Variants in CCDC38 observed in about 807,000 individuals in gnomAD.
The protein encoded by CCDC38 is coiled-coil domain-containing protein 38.
Under a neutral mutation model 72.8 loss-of-function variants are expected in CCDC38, and 69 were observed. That is an observed-to-expected ratio of 0.95 (90% CI 0.78 to 1.16). The LOEUF (loss-of-function observed/expected upper bound fraction) is 1.16. Among genes scored for constraint, CCDC38 ranks in the 50% most tolerant of loss-of-function variants. The pLI is 0.00. For synonymous variants in CCDC38, 201 were observed against 213.2 expected (o/e 0.94, Z 0.50); for missense variants, 626 against 638.9 (o/e 0.98, Z 0.22).
chr12:95,879,807 A>G lies in CCDC38; in HGVS notation c.991-12T>C. The G allele has an allele frequency of 1.3e-6, 2 of 1,571,462 alleles. No individual in the cohort carries two copies. Among genetic ancestry groups the G allele is most frequent in the Non-Finnish European group, 1.7e-6 (2 of 1,158,784 alleles). On this transcript the variant is annotated splice_polypyrimidine_tract_variant and intron_variant, in intron 11 of 15. Coordinates refer to ENST00000344280, the MANE Select transcript of CCDC38 (RefSeq NM_182496.3). This position sits in a 1 kb window ranked among gnomAD's most constrained non-coding sequence, Gnocchi z 5.5. ...TAAAGTGCTGGCTCCTAATTAATCA[A>G]TAATGAAGAATATAATTTACTTAAA...
At chr12:95,888,698 C>A (rs546356560) in intron 9 of CCDC38, among the ~76,000 whole-genome samples, 192 bp from the exon 10 acceptor site, 21 of 152,212 alleles carry the variant, frequency 1.4e-4, no homozygotes, top group Middle Eastern at 3.4e-3. Flanking sequence ...AAATGGAGGT[C>A]TTTTATTCTA....
intron 2 of CCDC38, among the ~76,000 whole-genome samples, chr12:95,929,984 A>G (rs2080320257): frequency 1.3e-5 from 2 of 152,060 alleles, no homozygotes; most frequent in African/African-American, 4.8e-5. Context: ...TTCTTTTATA[A>G]GGACACTTAT....
intron 10 of CCDC38, among the ~76,000 whole-genome samples, chr12:95,882,450 A>G (rs2079711458): frequency 6.6e-6 from 1 of 152,172 alleles, no homozygotes; most frequent in African/African-American, 2.4e-5. Context: ...TGGGATAAGG[A>G]AAAGATTAAT....
At chr12:95,903,951 G>A (rs755539876) in intron 5 of CCDC38, 1 of 152,210 alleles carries the variant, frequency 6.6e-6, no homozygotes, top group Admixed American at 6.6e-5. Context: ...GGAACAGTGT[G>A]TATAAAATTA....
rs774500212 is a variant in CCDC38 at position 95,892,278 on chromosome 12, CTTTTTTTTT to C, written c.773-1357_773-1349del. ...TGACCCCGCTTTCACTTATTACAAT[CTTTTTTTTT>C]TTTTTTTTTTTTTTGGAGACAGGGT... is the stretch of plus-strand genomic sequence containing the variant. On this transcript the variant is annotated intron_variant, in intron 8 of 15. Transcript: ENST00000344280. 3.9e-5 allele frequency among the ~76,000 whole-genome samples: 3 copies of C among 76,010 alleles called. No individual in the cohort carries two copies. In the South Asian group the frequency reaches 1.7e-3, roughly 42 times the overall value. The allele number at this position is 76,010 out of a possible 152,430, so 49.9% of individuals were successfully genotyped here.
intron 5 of CCDC38, among the ~76,000 whole-genome samples, chr12:95,901,495 C>A (rs936897369): frequency 6.6e-6 from 1 of 151,906 alleles, no homozygotes; most frequent in Non-Finnish European, 1.5e-5. Flanking sequence ...AGGTGGAATT[C>A]GAAGACATGA....
chr12:95,900,107 GT>G (rs1277727835), intron 5 of CCDC38, among the ~76,000 whole-genome samples: 1 of 152,096 alleles, frequency 6.6e-6, no homozygotes, highest in Non-Finnish European at 1.5e-5. Context: ...AACCACAGTT[GT>G]TTTTGCACCA....
rs1190350128 is a variant in CCDC38, at chr12:95,898,612, C to T, written c.489G>A (p.Glu163=). The part of the protein sequence containing the change: ...KLQDDALAFE[E]FLRENDQRSV... ...ATCTCTGGTCATTTTCTCGAAGGAA[C>T]TCTTCAAAGGCCAGTGCATCATCTT... The change falls in exon 6 of 16, where the codon GAG becomes GAA. Residue 163 remains glutamate (E), a synonymous_variant. Coordinates refer to ENST00000344280, the MANE Select transcript of CCDC38 (RefSeq NM_182496.3). 1.2e-6 allele frequency: 2 copies of T among 1,614,194 alleles called. No individual in the cohort carries two copies. Among genetic ancestry groups the T allele is most frequent in the Non-Finnish European group, 1.7e-6 (2 of 1,180,024 alleles).
chr12:95,894,550 T>C (rs1355231493), intron 8 of CCDC38, among the ~76,000 whole-genome samples: 1 of 152,156 alleles, frequency 6.6e-6, no homozygotes, highest in Non-Finnish European at 1.5e-5. Flanking sequence ...GTTCTTACTC[T>C]CTTAGTTTCC....
chr12:95,939,029 ACTCT>A (rs2080422281), intron 1 of CCDC38, among the ~76,000 whole-genome samples: 2 of 152,048 alleles, frequency 1.3e-5, no homozygotes, highest in Non-Finnish European at 2.9e-5. Flanking sequence ...AAGAACATAG[ACTCT>A]CTCTATGTCC....
intron 2 of CCDC38, among the ~76,000 whole-genome samples, chr12:95,923,396 C>G (rs544751036): frequency 6.6e-6 from 1 of 152,188 alleles, no homozygotes; most frequent in East Asian, 1.9e-4. Flanking sequence ...GGGCTGGACC[C>G]CAGACATCCC....
At chr12:95,936,308 T>C (rs2080393176) in intron 2 of CCDC38, among the ~76,000 whole-genome samples, 165 bp downstream of exon 2, 1 of 152,132 alleles carries the variant, frequency 6.6e-6, no homozygotes, top group Non-Finnish European at 1.5e-5. Flanking sequence ...GAAGATTTTT[T>C]TTTTGAATTA....
chr12:95,927,114 A>G (rs1036156045), intron 2 of CCDC38, among the ~76,000 whole-genome samples: 5 of 152,130 alleles, frequency 3.3e-5, no homozygotes, highest in Middle Eastern at 3.4e-3. Flanking sequence ...TTTCTGTCTC[A>G]TTGATCTGTC....
chr12:95,926,966 G>C (rs1024588802), intron 2 of CCDC38, among the ~76,000 whole-genome samples: 2 of 152,144 alleles, frequency 1.3e-5, no homozygotes, highest in African/African-American at 4.8e-5. Context: ...TTCCAAGTAT[G>C]TGGTCAATTT....
At chr12:95,925,472 C>A (rs1265993507) in intron 2 of CCDC38, among the ~76,000 whole-genome samples, 2 of 152,194 alleles carry the variant, frequency 1.3e-5, no homozygotes, top group African/African-American at 4.8e-5. Flanking sequence ...GATATACAAT[C>A]AAGTCATCTG....
intron 5 of CCDC38, chr12:95,903,483 A>G (rs2121486644): frequency 1.4e-6 from 1 of 700,342 alleles, no homozygotes; most frequent in Non-Finnish European, 2.6e-6. Context: ...GGGGGAAAGC[A>G]TTCAGTCTTT....
chr12:95,892,083 T>A (rs1376496250), intron 8 of CCDC38, among the ~76,000 whole-genome samples: 1 of 94,178 alleles, frequency 1.1e-5, no homozygotes, highest in African/African-American at 7.9e-5. Flanking sequence ...TCACTCTGCT[T>A]TTTTTTTTTT....
At chr12:95,906,132 C>T (rs527586560) in intron 5 of CCDC38, among the ~76,000 whole-genome samples, 1 of 152,288 alleles carries the variant, frequency 6.6e-6, no homozygotes, top group Admixed American at 6.5e-5. Context: ...TGATAGGTTC[C>T]AGGAAGTATA....
intron 8 of CCDC38, among the ~76,000 whole-genome samples, chr12:95,892,678 T>C (rs2079841575): frequency 6.6e-6 from 1 of 151,258 alleles, no homozygotes. Context: ...CAAGCGATTC[T>C]CCTGCCTCAG....
Sources: allele counts gnomAD v4.1 joint callset (sites outside exome capture counted in the v4.1 genomes callset), GRCh38; gene constraint gnomAD v4.1.1; non-coding constraint Gnocchi (gnomAD v3.1); transcripts MANE v1.5; gene names NCBI Gene and HGNC (gene_info 2026-07-23, HGNC 2026-07-21).